The following CTNNA3 variants were observed in gnomAD, a reference collection of about 807,000 sequenced individuals.
The protein encoded by CTNNA3 is catenin alpha 3.
In CTNNA3, 76 loss-of-function variants were observed where a neutral mutation model predicts 95.7. That is an observed-to-expected ratio of 0.79 (90% CI 0.66 to 0.96). The LOEUF (loss-of-function observed/expected upper bound fraction) is 0.96, where lower values mean the gene tolerates loss of function less well. Ranked by LOEUF, CTNNA3 falls within the 40% of genes least tolerant of loss-of-function variation. The pLI is 0.00. For missense variants in CTNNA3, 1,191 were observed against 1,089.8 expected (o/e 1.09, Z -1.31); for synonymous variants, 431 against 374.4 (o/e 1.15, Z -1.74).
intron 7 of CTNNA3, among the ~76,000 whole-genome samples, chr10:67,063,497 C>T (rs552977613): frequency 1.8e-4 from 27 of 152,088 alleles, no homozygotes; most frequent in East Asian, 3.9e-4. Context: ...CCAGCTGGCA[C>T]GAACAGGCAG....
upstream of CTNNA3, among the ~76,000 whole-genome samples, chr10:67,700,741 A>G (rs1210276076): frequency 6.6e-6 from 1 of 152,246 alleles, no homozygotes; most frequent in Non-Finnish European, 1.5e-5. Flanking sequence ...AAAGGAACGC[A>G]GCTCCTCACC....
At chr10:66,346,246 TAGAGAGAGAG>T (rs371257440) in intron 12 of CTNNA3, among the ~76,000 whole-genome samples, 16 of 27,754 alleles carry the variant, frequency 5.8e-4, no homozygotes, top group East Asian at 1.3e-3. Flanking sequence ...TATATATATA[TAGAGAGAGAG>T]AGAGAGAGAG....
At chr10:66,175,934 G>C (rs1170373867) in intron 13 of CTNNA3, among the ~76,000 whole-genome samples, 1 of 152,184 alleles carries the variant, frequency 6.6e-6, no homozygotes, top group African/African-American at 2.4e-5. Context: ...TCTAACACAG[G>C]GATAAGCTCA....
At chr10:66,884,774 A>T (rs2132476121) in intron 7 of CTNNA3, among the ~76,000 whole-genome samples, 1 of 152,230 alleles carries the variant, frequency 6.6e-6, no homozygotes, top group East Asian at 1.9e-4. Flanking sequence ...CAAGAAACAG[A>T]GGGAGGAAGA....
intron 10 of CTNNA3, among the ~76,000 whole-genome samples, chr10:66,538,100 G>A (rs12253033): frequency 0.061 from 9,234 of 152,010 alleles, 857 homozygotes; most frequent in African/African-American, 0.2. Flanking sequence ...TCTGCTTAAG[G>A]GTTTTCTAAG....
chr10:65,930,587 C>A (rs1426373184), intron 17 of CTNNA3, among the ~76,000 whole-genome samples: 7 of 152,038 alleles, frequency 4.6e-5, no homozygotes, highest in African/African-American at 1.4e-4. Flanking sequence ...TTTAGTATGT[C>A]GTGATTTCAT....
chr10:66,102,207 T>C (rs1176711050), intron 14 of CTNNA3, among the ~76,000 whole-genome samples: 3 of 152,130 alleles, frequency 2.0e-5, no homozygotes, highest in African/African-American at 7.2e-5. Context: ...GTCACCGAAT[T>C]TAACTAACTT....
At chr10:66,499,201 T>C (rs1392902581) in intron 11 of CTNNA3, among the ~76,000 whole-genome samples, 1 of 152,168 alleles carries the variant, frequency 6.6e-6, no homozygotes, top group African/African-American at 2.4e-5. Flanking sequence ...AGAGCCTCAT[T>C]TGCCACCAAA....
chr10:67,384,213 C>T (rs919405238), intron 5 of CTNNA3, among the ~76,000 whole-genome samples: 1 of 152,076 alleles, frequency 6.6e-6, no homozygotes, highest in African/African-American at 2.4e-5. Context: ...AAAGTAAGGT[C>T]GCTATACATC....
At chr10:67,032,443 C>T (rs12098475) in intron 7 of CTNNA3, among the ~76,000 whole-genome samples, 2,721 of 151,920 alleles carry the variant, frequency 0.018, 79 homozygotes, top group African/African-American at 0.061. Context: ...GTTTGTTTTA[C>T]AAAATTTAAG....
chr10:67,279,939 T>C (rs751987223), intron 5 of CTNNA3, among the ~76,000 whole-genome samples: 2 of 150,474 alleles, frequency 1.3e-5, no homozygotes, highest in African/African-American at 2.5e-5. Context: ...ACAGATGACA[T>C]CTATCATTAC....
At chr10:67,184,980 C>T (rs866461194) in intron 6 of CTNNA3, among the ~76,000 whole-genome samples, 1 of 152,106 alleles carries the variant, frequency 6.6e-6, no homozygotes, top group Non-Finnish European at 1.5e-5. Flanking sequence ...TTTTATAATA[C>T]ACATTCTTCA....
intron 7 of CTNNA3, among the ~76,000 whole-genome samples, chr10:67,140,853 C>T (rs1024175247): frequency 3.3e-5 from 5 of 152,178 alleles, no homozygotes; most frequent in Middle Eastern, 3.2e-3. Context: ...CAGTAGCCTG[C>T]ATGAACAGTG....
chr10:66,024,411 C>T (rs1176226862), intron 15 of CTNNA3, among the ~76,000 whole-genome samples: 2 of 152,130 alleles, frequency 1.3e-5, no homozygotes, highest in Non-Finnish European at 2.9e-5. Flanking sequence ...TTTAAAAAAT[C>T]AAAATTTACC....
intron 11 of CTNNA3, among the ~76,000 whole-genome samples, chr10:66,457,261 G>C (rs1410248410): frequency 6.6e-6 from 1 of 152,004 alleles, no homozygotes; most frequent in Non-Finnish European, 1.5e-5. Flanking sequence ...TTAGGAAAAT[G>C]AAAAGCTAAA....
At chr10:66,820,939 C>A (rs189031186) in intron 7 of CTNNA3, among the ~76,000 whole-genome samples, 2 of 152,022 alleles carry the variant, frequency 1.3e-5, no homozygotes, top group Non-Finnish European at 2.9e-5. Flanking sequence ...GTCTTCCTTA[C>A]AAAACACCCC....
intron 5 of CTNNA3, among the ~76,000 whole-genome samples, chr10:67,494,052 C>T (rs1838949120): frequency 6.6e-6 from 1 of 152,170 alleles, no homozygotes; most frequent in Non-Finnish European, 1.5e-5. Flanking sequence ...CAGGATTATT[C>T]TGGGCACAAG....
At chr10:66,035,594 T>A (rs1168634908) in intron 15 of CTNNA3, among the ~76,000 whole-genome samples, 2 of 151,930 alleles carry the variant, frequency 1.3e-5, no homozygotes, top group Non-Finnish European at 2.9e-5. Context: ...AGTAGATACT[T>A]TGATACTTAA....
chr10:66,794,553 C>G (rs909895301), intron 7 of CTNNA3, among the ~76,000 whole-genome samples: 1 of 152,068 alleles, frequency 6.6e-6, no homozygotes, highest in Admixed American at 6.6e-5. Flanking sequence ...CAAGTCAAAA[C>G]CTTTTTTGCT....
Sources: gnomAD v4.1 joint callset for allele counts (sites outside exome capture counted in the v4.1 genomes callset) on GRCh38, gnomAD v4.1.1 for gene constraint, MANE v1.5 for transcripts, NCBI Gene and HGNC (gene_info 2026-07-23, HGNC 2026-07-21) for gene names.